PDZD7: variants seen among roughly 807,000 people sequenced by gnomAD.
PDZD7 encodes the protein PDZ domain containing 7, also known as PDZ domain-containing protein 7.
In PDZD7, 72 loss-of-function variants were observed where a neutral mutation model predicts 84.7. That is an observed-to-expected ratio of 0.85 (90% CI 0.70 to 1.03). The LOEUF (loss-of-function observed/expected upper bound fraction) is 1.03, where lower values mean the gene tolerates loss of function less well. Ranked by LOEUF, PDZD7 falls within the 50% of genes least tolerant of loss-of-function variation. The pLI is 0.00. For synonymous variants in PDZD7, 594 were observed against 580.7 expected (o/e 1.02, Z -0.33); for missense variants, 1,490 against 1,412.9 (o/e 1.05, Z -0.87).
rs560787434 is a variant in PDZD7, at chr10:101,027,837, A to AT, written c.226+2156dup. On this transcript the variant is annotated intron_variant, in intron 2 of 16. Transcript: ENST00000619208. ...GGACAGTGCTTGGTATTTGATAGGT[A>AT]TTTTTTTTGAATAAGTGAAAGAATA... 1.4e-4 allele frequency among the ~76,000 whole-genome samples: 21 copies of AT among 152,188 alleles called. No individual in the cohort carries two copies. In the South Asian group the frequency reaches 1.9e-3, roughly 14 times the overall value.
chr10:101,012,140 C>G (rs772425777), intron 12 of PDZD7, 27 bp downstream of exon 12: 10 of 1,548,132 alleles, frequency 6.5e-6, no homozygotes, highest in African/African-American at 2.7e-5. Context: ...TTCCTGCCCC[C>G]AAGCCCTCTC....
chr10:101,023,706 C>T, intron 3 of PDZD7, 96 bp from the exon 4 acceptor site: 1 of 1,501,918 alleles, frequency 6.7e-7, no homozygotes, highest in South Asian at 1.2e-5. Context: ...CTGAGCTTCT[C>T]AATCAGAGTG....
chr10:101,020,557 C>T (rs1015062653), intron 7 of PDZD7, 61 bp downstream of exon 7: 28 of 1,510,674 alleles, frequency 1.9e-5, no homozygotes, highest in African/African-American at 4.2e-5. Flanking sequence ...TTCAGAGAGC[C>T]GGGCCCCACC....
chr10:101,019,578 TC>T, intron 7 of PDZD7, among the ~76,000 whole-genome samples: 1 of 120,510 alleles, frequency 8.3e-6, no homozygotes, highest in South Asian at 3.1e-4. Flanking sequence ...CTCCTCCTCC[TC>T]CTCCTCCTCT....
rs3051194 is a variant in PDZD7, at chr10:101,026,663, T to TCACACACA, written c.227-2603_227-2596dup. Among the ~76,000 whole-genome samples, 576 of 123,878 alleles carry TCACACACA rather than the reference T, an allele frequency of 4.6e-3. 15 individuals carry two copies. The highest frequency in any genetic ancestry group is 0.02 in the Admixed American group (238 of 12,128). The allele number at this position is 123,878 out of a possible 152,430, so 81.3% of individuals were successfully genotyped here. A position where few individuals can be genotyped will look rare whatever the true frequency, so the allele number is the denominator to read the frequency against. ...TCTAGAGGTGTTTGACAGGGAGAAA[T>TCACACACA]CACACACACACACACACACACACAC... On this transcript the variant is annotated intron_variant, in intron 2 of 16. Transcript: ENST00000619208.
chr10:101,016,120 C>G (rs1852613195), intron 10 of PDZD7, among the ~76,000 whole-genome samples: 1 of 152,204 alleles, frequency 6.6e-6, no homozygotes, highest in Admixed American at 6.5e-5. Flanking sequence ...GCTCCCTCAT[C>G]ACCCCCAAAT....
chr10:101,012,690 G>C (rs981057510), intron 11 of PDZD7, among the ~76,000 whole-genome samples: 1 of 152,186 alleles, frequency 6.6e-6, no homozygotes, highest in Non-Finnish European at 1.5e-5. Flanking sequence ...CTCTGGTGCC[G>C]GAAAAGGATG....
intron 15 of PDZD7, among the ~76,000 whole-genome samples, 180 bp from the exon 16 acceptor site, chr10:101,009,530 C>G (rs1323007691): frequency 1.3e-5 from 2 of 151,436 alleles, no homozygotes; most frequent in South Asian, 2.1e-4. Context: ...CCCCTCAAAT[C>G]TAGACCCCAC....
At position 101,030,300 on chromosome 10, in the gene PDZD7, C is replaced by T. The variant is rs748368699; in HGVS notation, c.-81G>A. 5 of 1,220,250 alleles carry T rather than the reference C, an allele frequency of 4.1e-6. No individual in the cohort carries two copies. The South Asian group carries it at 5.2e-5, about 13-fold the overall frequency. The allele number at this position is 1,220,250 out of a possible 1,614,324, so 75.6% of individuals were successfully genotyped here. The stretch of plus-strand genomic sequence containing the variant: ...AGAGGCCAGCCCTGCGTGCTTCGAG[C>T]TCCATGAGCCTCTGTGCGGGGCTGG... On this transcript the variant is annotated 5_prime_UTR_variant, in exon 2 of 17. Coordinates refer to ENST00000619208, the MANE Select transcript of PDZD7 (RefSeq NM_001195263.2).
Position 101,015,658 on chromosome 10 carries a change from G to A in PDZD7, c.1727C>T (p.Ala576Val). 6.5e-7 allele frequency: 1 copy of A among 1,550,192 alleles called. No homozygotes were observed. The highest frequency in any genetic ancestry group is 2.0e-5 in the Admixed American group (1 of 50,988). Residue 576 changes from alanine (A) to valine (V), a missense_variant, in exon 11 of 17, where the codon GCT (alanine) becomes GTT (valine). Ala to Val is a moderately conservative substitution (Grantham distance 64). Transcript: ENST00000619208. Reference sequence around the variant, plus strand: ...TACCCGGGAGCAGTGGCGGGTGACAGCCAGCACCTCGTCATCAGTCAGCAG... The same window carrying A: ...TACCCGGGAGCAGTGGCGGGTGACAACCAGCACCTCGTCATCAGTCAGCAG... ...QRLLTDDEVL[A>V]VTRHCSRYVH...
chr10:101,009,599 C>CTTTTTTTTTTTTTTTTTT (rs142806278), intron 15 of PDZD7, among the ~76,000 whole-genome samples: 1 of 62,236 alleles, frequency 1.6e-5, no homozygotes, highest in Non-Finnish European at 2.7e-5. Context: ...GAGACAGAGT[C>CTTTTTTTTTTTTTTTTTT]TTTTTTTTTT....
intron 2 of PDZD7, among the ~76,000 whole-genome samples, chr10:101,026,097 C>T (rs1351108539): frequency 5.3e-5 from 8 of 151,872 alleles, no homozygotes; most frequent in East Asian, 3.9e-4. Flanking sequence ...GGAAAGTAGG[C>T]GGGGAAGGGG....
intron 5 of PDZD7, 87 bp downstream of exon 5, chr10:101,022,122 G>A: frequency 1.3e-6 from 2 of 1,571,578 alleles, no homozygotes; most frequent in Non-Finnish European, 1.7e-6. Flanking sequence ...GGCCTCACTT[G>A]CTGACCATCC....
At chr10:101,018,361 G>A (rs1455573601) in intron 8 of PDZD7, 65 bp from the exon 9 acceptor site, 3 of 1,563,730 alleles carry the variant, frequency 1.9e-6, no homozygotes, top group African/African-American at 1.4e-5. Flanking sequence ...CGAGGGGCAG[G>A]GGTGTGGGGA....
Position 101,016,916 on chromosome 10 carries a change from G to C in PDZD7, c.1523-489C>G, listed in dbSNP as rs558090224. Reference sequence around the variant, plus strand: ...GTCTCTCCCATGGTACAATCACCTTGAGACCCCAGAACATCCCACCCCAGG... The same window carrying C: ...GTCTCTCCCATGGTACAATCACCTTCAGACCCCAGAACATCCCACCCCAGG... On this transcript the variant is annotated intron_variant, in intron 9 of 16. Transcript: ENST00000619208. Among the ~76,000 whole-genome samples, 4 of 152,204 alleles carry C rather than the reference G, an allele frequency of 2.6e-5. No individual in the cohort carries two copies. In the South Asian group the frequency reaches 8.3e-4, roughly 32 times the overall value.
At chr10:101,011,043 A>C in intron 14 of PDZD7, 160 bp from the exon 15 acceptor site, 1 of 1,280,014 alleles carries the variant, frequency 7.8e-7, no homozygotes, top group East Asian at 2.7e-5. Flanking sequence ...ATGTTCTATT[A>C]GAATCGCTTA....
intron 3 of PDZD7, 62 bp downstream of exon 3, chr10:101,023,866 G>A (rs1334502403): frequency 6.2e-7 from 1 of 1,611,812 alleles, no homozygotes; most frequent in African/African-American, 1.3e-5. Flanking sequence ...AGCATCCCCT[G>A]CCATTCACTG....
rs1853034597 is a variant in PDZD7 at position 101,020,662 on chromosome 10, G to C, written c.884C>G (p.Pro295Arg). Residue 295 changes from proline to arginine, a missense_variant, in exon 7 of 17, where the codon CCT becomes CGT. Physicochemically the swap from Pro to Arg is moderately radical, Grantham distance 103 (BLOSUM62 -2). Transcript: ENST00000619208. ...CTCAGAAACCATCTCCTTGTAGGCA[G>C]GATACCGGCCGGTCTCCTGGGGAGG... ...MLTIKETGRY[P>R]AYKEMVSEYC... is the part of the protein sequence containing the mutation. The C allele has an allele frequency of 3.7e-6, 6 of 1,614,072 alleles. No homozygotes were observed. Among genetic ancestry groups the C allele is most frequent in the Non-Finnish European group, 5.1e-6 (6 of 1,179,928 alleles).
At chr10:101,015,841 A>C (rs1385896077) in intron 10 of PDZD7, 30 bp from the exon 11 acceptor site, 1 of 1,533,128 alleles carries the variant, frequency 6.5e-7, no homozygotes, top group Non-Finnish European at 8.8e-7. Flanking sequence ...AGGGGAGGGG[A>C]GAGGGGCTTC....
Sources: allele counts gnomAD v4.1 joint callset (sites outside exome capture counted in the v4.1 genomes callset), GRCh38; gene constraint gnomAD v4.1.1; transcripts MANE v1.5; gene names NCBI Gene and HGNC (gene_info 2026-07-23, HGNC 2026-07-21).